The following TMEM244 variants were observed in gnomAD, a reference collection of about 807,000 sequenced individuals.
TMEM244 encodes putative transmembrane protein 244.
In TMEM244, 13 loss-of-function variants were observed where a neutral mutation model predicts 15.8. The observed-to-expected ratio is 0.82, with a 90% CI of 0.53 to 1.30. TMEM244 has a LOEUF of 1.30. Among genes scored for constraint, TMEM244 ranks in the 50% most tolerant of loss-of-function variants. The probability of loss-of-function intolerance (pLI) is 0.00; values close to 1 mark genes in which losing one functional copy is unlikely to be tolerated. For missense variants in TMEM244, 161 were observed against 144.9 expected (o/e 1.11, Z -0.57); for synonymous variants, 45 against 48.7 (o/e 0.92, Z 0.32).
chr6:129,858,012 T>A (rs775079223), intron 1 of TMEM244, among the ~76,000 whole-genome samples: 1 of 152,068 alleles, frequency 6.6e-6, no homozygotes. Context: ...CTTAGATATA[T>A]GAACATCTAA....
Position 129,845,796 on chromosome 6 carries a change from C to T in TMEM244, c.90G>A (p.Val30=), listed in dbSNP as rs953704746. The T allele has an allele frequency of 3.1e-6, 5 of 1,612,770 alleles. No homozygotes were observed. The highest frequency in any genetic ancestry group is 1.1e-5 in the South Asian group (1 of 90,736). The change falls in exon 2 of 5, where the codon GTG becomes GTA. Residue 30 remains valine, a synonymous_variant. Transcript: ENST00000368143. ...ACATCACGCAGCCCATGCTCAGGGA[C>T]ACATAGTACACAGTGTAGAAAAGAA... is the stretch of plus-strand genomic sequence containing the variant. The part of the protein sequence containing the change: ...CVILFYTVYY[V]SLSMGCVMFE...
chr6:129,857,601 C>T (rs1456211011), intron 1 of TMEM244, among the ~76,000 whole-genome samples: 1 of 152,030 alleles, frequency 6.6e-6, no homozygotes, highest in Non-Finnish European at 1.5e-5. Context: ...CTCAGGTGAT[C>T]CACCCGCCTT....
chr6:129,841,563 A>G (rs1157102338), intron 3 of TMEM244, among the ~76,000 whole-genome samples: 1 of 152,034 alleles, frequency 6.6e-6, no homozygotes, highest in Non-Finnish European at 1.5e-5. Flanking sequence ...AGAACTTAAA[A>G]TATAATAATA....
At chr6:129,858,674 A>G (rs1470968697) in intron 1 of TMEM244, among the ~76,000 whole-genome samples, 2 of 152,176 alleles carry the variant, frequency 1.3e-5, no homozygotes, top group African/African-American at 2.4e-5. Flanking sequence ...ACCACATTTA[A>G]TTCTTCAGCC....
At chr6:129,834,866 G>T (rs377373076) in intron 3 of TMEM244, among the ~76,000 whole-genome samples, 2 of 152,098 alleles carry the variant, frequency 1.3e-5, no homozygotes, top group Non-Finnish European at 2.9e-5. Context: ...ACAGAATCAC[G>T]ACATTATTGT....
chr6:129,837,246 C>T (rs568904529), intron 3 of TMEM244, among the ~76,000 whole-genome samples: 4 of 152,308 alleles, frequency 2.6e-5, no homozygotes, highest in Admixed American at 2.0e-4. Flanking sequence ...CCCTACAAAC[C>T]AGAAAAGAGT....
chr6:129,847,028 T>C (rs1776570131), intron 1 of TMEM244, among the ~76,000 whole-genome samples: 1 of 152,158 alleles, frequency 6.6e-6, no homozygotes, highest in South Asian at 2.1e-4. Flanking sequence ...TGCCATGGAA[T>C]AGGTTGGGAG....
intron 3 of TMEM244, among the ~76,000 whole-genome samples, chr6:129,842,562 T>C (rs1047266864): frequency 2.1e-5 from 3 of 145,080 alleles, no homozygotes; most frequent in African/African-American, 7.9e-5. Flanking sequence ...TGCATATTTG[T>C]ACCCCAAAAA....
At chr6:129,844,719 T>G (rs781510161) in intron 2 of TMEM244, among the ~76,000 whole-genome samples, 13 of 152,180 alleles carry the variant, frequency 8.5e-5, no homozygotes, top group Non-Finnish European at 1.6e-4. Context: ...TCCCCAGGCA[T>G]AGCCTCACTG....
rs746201105 is a variant in TMEM244, at chr6:129,845,722, C to T, written c.119+45G>A. 2.2e-6 allele frequency: 3 copies of T among 1,353,836 alleles called. No individual in the cohort carries two copies. The African/African-American group carries it at 4.3e-5, about 20-fold the overall frequency. 83.9% of individuals were successfully genotyped at this position (1,353,836 alleles called of 1,614,324 possible). ...GTTAAATATAAACATCTTTCCTATT[C>T]AATGTTAGCTTTTTAATTCTATTTG... On this transcript the variant is annotated intron_variant, in intron 2 of 4. Coordinates refer to ENST00000368143, the MANE Select transcript of TMEM244 (RefSeq NM_001010876.2).
intron 1 of TMEM244, among the ~76,000 whole-genome samples, chr6:129,850,162 G>A (rs1232033261): frequency 2.6e-5 from 4 of 152,168 alleles, no homozygotes; most frequent in Non-Finnish European, 4.4e-5. Context: ...CTGAGGCAGT[G>A]GCAGGGGTTG....
At chr6:129,856,089 A>AT (rs1776701148) in intron 1 of TMEM244, among the ~76,000 whole-genome samples, 1 of 151,724 alleles carries the variant, frequency 6.6e-6, no homozygotes, top group Non-Finnish European at 1.5e-5. Context: ...TTATTCATTT[A>AT]TTTTTTATAA....
intron 1 of TMEM244, among the ~76,000 whole-genome samples, chr6:129,852,731 G>A (rs1276455508): frequency 6.6e-6 from 1 of 152,160 alleles, no homozygotes; most frequent in Non-Finnish European, 1.5e-5. Flanking sequence ...TCTACTGGGG[G>A]TTTGCCTGCA....
chr6:129,861,031 T>C lies in TMEM244; in HGVS notation c.33+125A>G, dbSNP rs959078345. The stretch of plus-strand genomic sequence containing the variant: ...AAGCCGTGCAGCAGAATGTTTTCTG[T>C]ATGGTACCCAGCCAAAAGTGAAACA... On this transcript the variant is annotated intron_variant, in intron 1 of 4. Coordinates refer to ENST00000368143, the MANE Select transcript of TMEM244 (RefSeq NM_001010876.2). 1.2e-5 allele frequency: 12 copies of C among 1,006,688 alleles called. No individual in the cohort carries two copies. In the African/African-American group the frequency reaches 1.4e-4, roughly 12 times the overall value. 62.4% of individuals were successfully genotyped at this position (1,006,688 alleles called of 1,614,324 possible).
intron 3 of TMEM244, among the ~76,000 whole-genome samples, chr6:129,834,442 A>T (rs1776373992): frequency 6.6e-6 from 1 of 151,432 alleles, no homozygotes; most frequent in African/African-American, 2.4e-5. Flanking sequence ...CACAGAAAAT[A>T]AGTGATATGT....
At chr6:129,832,304 G>T (rs1053460133) in intron 4 of TMEM244, among the ~76,000 whole-genome samples, 13 of 151,924 alleles carry the variant, frequency 8.6e-5, no homozygotes, top group Non-Finnish European at 1.3e-4. Flanking sequence ...CACCACATTT[G>T]CCAGGCTGGT....
chr6:129,834,568 T>C (rs6912805), intron 3 of TMEM244, among the ~76,000 whole-genome samples: 55,766 of 152,022 alleles, frequency 0.37, 10,665 homozygotes, highest in South Asian at 0.5. Context: ...AGCAAGCCAG[T>C]GATTGCAGTC....
chr6:129,848,701 T>G (rs750621647), intron 1 of TMEM244, among the ~76,000 whole-genome samples: 1 of 152,168 alleles, frequency 6.6e-6, no homozygotes, highest in Non-Finnish European at 1.5e-5. Flanking sequence ...TGCTGGGAGA[T>G]GGGTATGTAA....
chr6:129,851,472 G>A (rs146955154), intron 1 of TMEM244, among the ~76,000 whole-genome samples: 106 of 152,258 alleles, frequency 7.0e-4, no homozygotes, highest in African/African-American at 2.6e-3. Flanking sequence ...GTTTCACCAT[G>A]TTGGCCAGGG....
Sources: gnomAD v4.1 joint callset for allele counts (sites outside exome capture counted in the v4.1 genomes callset) on GRCh38, gnomAD v4.1.1 for gene constraint, MANE v1.5 for transcripts, NCBI Gene and HGNC (gene_info 2026-07-23, HGNC 2026-07-21) for gene names.